PCIF1: variants seen among roughly 807,000 people sequenced by gnomAD.
PCIF1 encodes mRNA (2'-O-methyladenosine-N(6)-)-methyltransferase.
A neutral mutation model predicts 86.9 loss-of-function variants in PCIF1; 12 were observed. The observed-to-expected ratio is 0.14, with a 90% CI of 0.09 to 0.22. The LOEUF (loss-of-function observed/expected upper bound fraction) is 0.22, where lower values mean the gene tolerates loss of function less well. PCIF1 is among the 10% of genes least tolerant of loss of function. The pLI, the probability that PCIF1 is intolerant of heterozygous loss-of-function variation, is 1.00. For synonymous variants in PCIF1, 397 were observed against 372.0 expected (o/e 1.07, Z -0.77); for missense variants, 701 against 951.1 (o/e 0.74, Z 3.46).
intron 1 of PCIF1, 105 bp downstream of exon 1, chr20:45,934,909 C>T (rs1257591459): frequency 1.3e-5 from 5 of 396,884 alleles, no homozygotes; most frequent in Non-Finnish European, 2.2e-5. Context: ...TCGGGACTGC[C>T]GCTTGCCCTG....
rs2083499008 is a variant in PCIF1 at position 45,943,955 on chromosome 20, T to C, written c.1005+190T>C. On this transcript the variant is annotated intron_variant, in intron 10 of 16. Transcript: ENST00000372409. This position sits in a 1 kb window ranked among gnomAD's most constrained non-coding sequence, Gnocchi z 5.5. ...GGAGATGTTTCTCTGGGCTCCTGGCTTTCTCCCACAGAACATTTCCATTAA... is the reference window on the plus strand; with the variant it reads ...GGAGATGTTTCTCTGGGCTCCTGGCCTTCTCCCACAGAACATTTCCATTAA... Among the ~76,000 whole-genome samples the C allele has an allele frequency of 6.6e-6, 1 of 152,130 alleles. No individual in the cohort carries two copies.
intron 5 of PCIF1, 83 bp downstream of exon 5, chr20:45,940,695 T>G: frequency 6.4e-7 from 1 of 1,571,480 alleles, no homozygotes. Context: ...GGCTGGGCAT[T>G]GGCAGGCCAG....
At chr20:45,945,953 G>T (rs996926084) in intron 12 of PCIF1, 70 bp downstream of exon 12, 14 of 1,612,970 alleles carry the variant, frequency 8.7e-6, no homozygotes, top group Non-Finnish European at 1.1e-5. Context: ...CCTGAGCAGA[G>T]TCCCCAGCAG....
chr20:45,946,804 G>C (rs1322724570), intron 14 of PCIF1, among the ~76,000 whole-genome samples: 2 of 152,156 alleles, frequency 1.3e-5, no homozygotes, highest in Non-Finnish European at 2.9e-5. Context: ...GGGGATCCTG[G>C]GTGTAGCTTC....
At chr20:45,940,138 CTGTTCT>C (rs2083457332) in intron 4 of PCIF1, among the ~76,000 whole-genome samples, 2 of 152,202 alleles carry the variant, frequency 1.3e-5, no homozygotes, top group South Asian at 4.1e-4. Context: ...CACATTCATT[CTGTTCT>C]TGAGGAAAAT....
In PCIF1 at chr20:45,946,046, C is replaced by T. The variant is rs1600509534; in HGVS notation, c.1359C>T (p.Tyr453=). Residue 453 remains tyrosine (Y), a synonymous_variant, in exon 13 of 17, where the codon TAC becomes TAT. Coordinates refer to ENST00000372409, the MANE Select transcript of PCIF1 (RefSeq NM_022104.4). ...CTCCACAGTGGCTCCTTTACCGCTACAGCTGCATTGATGACTCTGCCTTTG... is the reference window on the plus strand; with the variant it reads ...CTCCACAGTGGCTCCTTTACCGCTATAGCTGCATTGATGACTCTGCCTTTG... The part of the protein sequence containing the change: ...YFSKLWLLYR[Y]SCIDDSAFER... 6.2e-6 allele frequency: 10 copies of T among 1,614,198 alleles called. No individual in the cohort carries two copies. In the East Asian group the frequency reaches 6.7e-5, roughly 11 times the overall value.
intron 1 of PCIF1, among the ~76,000 whole-genome samples, chr20:45,936,209 C>T (rs1196953994): frequency 1.3e-5 from 2 of 152,064 alleles, no homozygotes; most frequent in African/African-American, 2.4e-5. Context: ...GAGTCTTGCT[C>T]TGTCGCCTGG....
chr20:45,945,843 G>C lies in PCIF1; in HGVS notation c.1301G>C (p.Gly434Ala), dbSNP rs1181545356. 1 of 1,613,760 alleles carries C rather than the reference G, an allele frequency of 6.2e-7. No individual in the cohort carries two copies. Among genetic ancestry groups the C allele is most frequent in the African/African-American group, 1.3e-5 (1 of 74,944 alleles). ...AACGTGGTCTGCATCCGGTATAAGG[G>C]AGAGATGGTCAAGGTCAGCCGCAAC... The part of the protein sequence containing the change: ...ENNVVCIRYK[G>A]EMVKVSRNYF... The change falls in exon 12 of 17, where the codon GGA becomes GCA. Residue 434 changes from glycine (G) to alanine (A), a missense_variant. Around this residue, in one of 7 missense-constraint regions of PCIF1, gnomAD observed 121 missense variants for 131.7 expected, o/e 0.92. Coordinates refer to ENST00000372409, the MANE Select transcript of PCIF1 (RefSeq NM_022104.4).
chr20:45,940,733 A>G, intron 5 of PCIF1, 76 bp from the exon 6 acceptor site: 1 of 1,578,036 alleles, frequency 6.3e-7, no homozygotes, highest in Non-Finnish European at 8.6e-7. Flanking sequence ...GACACAGTTC[A>G]CCAGGTGTGC....
In PCIF1 at chr20:45,943,457, C is replaced by A; in HGVS notation, c.905+34C>A. ...GTCTTCTGCCCCAGGCGAGATGGGT[C>A]TGTGATTAAAGTGGCAGGTCATAGG... is the stretch of plus-strand genomic sequence containing the variant. On this transcript the variant is annotated intron_variant, in intron 9 of 16. Transcript: ENST00000372409. This position sits in a 1 kb window ranked among gnomAD's most constrained non-coding sequence, Gnocchi z 5.5. 6.3e-7 allele frequency: 1 copy of A among 1,593,394 alleles called. No individual in the cohort carries two copies. The highest frequency in any genetic ancestry group is 1.1e-5 in the South Asian group (1 of 90,498).
chr20:45,947,964 C>T lies in PCIF1; in HGVS notation c.*209C>T. 1 of 1,531,382 alleles carries T rather than the reference C, an allele frequency of 6.5e-7. No homozygotes were observed. The highest frequency in any genetic ancestry group is 1.7e-4 in the Middle Eastern group (1 of 5,960). The allele number at this position is 1,531,382 out of a possible 1,614,324, so 94.9% of individuals were successfully genotyped here. A position where few individuals can be genotyped will look rare whatever the true frequency, so the allele number is the denominator to read the frequency against. Reference sequence around the variant, plus strand: ...GTCCTGATGCCTTCCCAACCCCGCCCCTCACCCTGTTGCCACCTTGTTTCA... The same window carrying T: ...GTCCTGATGCCTTCCCAACCCCGCCTCTCACCCTGTTGCCACCTTGTTTCA... On this transcript the variant is annotated 3_prime_UTR_variant, in exon 17 of 17. Coordinates refer to ENST00000372409, the MANE Select transcript of PCIF1 (RefSeq NM_022104.4). This position sits in a 1 kb window ranked among gnomAD's most constrained non-coding sequence, Gnocchi z 5.4.
intron 1 of PCIF1, among the ~76,000 whole-genome samples, chr20:45,935,219 C>T (rs1467675167): frequency 3.3e-5 from 5 of 151,596 alleles, no homozygotes; most frequent in Non-Finnish European, 5.9e-5. Context: ...CGCTGGAGCT[C>T]GCCTCTCGCC....
At chr20:45,935,389 T>TA (rs747415916) in intron 1 of PCIF1, among the ~76,000 whole-genome samples, 22 of 152,164 alleles carry the variant, frequency 1.4e-4, no homozygotes, top group Non-Finnish European at 2.5e-4. Context: ...GTTGCGCAGA[T>TA]AGAGTTGTTT....
intron 11 of PCIF1, among the ~76,000 whole-genome samples, 187 bp downstream of exon 11, chr20:45,945,217 A>G (rs1283518694): frequency 6.6e-6 from 1 of 152,212 alleles, no homozygotes; most frequent in East Asian, 1.9e-4. Context: ...GGTGGTGAAG[A>G]TAAGCTGGGA....
At position 45,943,124 on chromosome 20, in the gene PCIF1, A is replaced by G; in HGVS notation, c.701A>G (p.Asn234Ser). Residue 234 changes from asparagine to serine, a missense_variant, in exon 8 of 17, where the codon AAC (asparagine) becomes AGC (serine). Asn to Ser is a conservative substitution (Grantham distance 46). Coordinates refer to ENST00000372409, the MANE Select transcript of PCIF1 (RefSeq NM_022104.4). The surrounding 1 kb of genome is among the most constrained non-coding windows in gnomAD (Gnocchi z 5.5). Reference sequence around the variant, plus strand: ...ATTGAGCCTCCACGGGAGTCTTTCAACCGCTGGATGCTGGAGCGCAAGGTG... The same window carrying G: ...ATTGAGCCTCCACGGGAGTCTTTCAGCCGCTGGATGCTGGAGCGCAAGGTG... The part of the protein sequence containing the change: ...EGIEPPRESF[N>S]RWMLERKVVD... The G allele has an allele frequency of 1.2e-6, 2 of 1,613,916 alleles. No individual in the cohort carries two copies. Among genetic ancestry groups the G allele is most frequent in the Non-Finnish European group, 1.7e-6 (2 of 1,180,008 alleles).
At chr20:45,940,366 G>A (rs2083458840) in intron 4 of PCIF1, 109 bp from the exon 5 acceptor site, 1 of 1,346,762 alleles carries the variant, frequency 7.4e-7, no homozygotes, top group Non-Finnish European at 9.8e-7. Flanking sequence ...CAGCTCCTCT[G>A]CTCTTCCCTA....
intron 10 of PCIF1, among the ~76,000 whole-genome samples, 191 bp from the exon 11 acceptor site, chr20:45,944,677 C>T (rs1164747471): frequency 1.3e-5 from 2 of 152,104 alleles, no homozygotes; most frequent in East Asian, 1.9e-4. Flanking sequence ...TTAGGTATCT[C>T]GTGTCCCCTT....
In PCIF1 at chr20:45,934,723, C is replaced by T. The variant is rs899565059; in HGVS notation, c.-269C>T. 1 of 398,946 alleles carries T rather than the reference C, an allele frequency of 2.5e-6. No individual in the cohort carries two copies. The highest frequency in any genetic ancestry group is 4.4e-6 in the Non-Finnish European group (1 of 226,064). The allele number at this position is 398,946 out of a possible 1,614,324, so 24.7% of individuals were successfully genotyped here. A position where few individuals can be genotyped will look rare whatever the true frequency, so the allele number is the denominator to read the frequency against. ...GGGACACAAGATGGCGGCAGCGGCG[C>T]TGGGGAGGGCGAGGCGGAGGCGGCA... On this transcript the variant is annotated 5_prime_UTR_variant, in exon 1 of 17. Transcript: ENST00000372409.
rs980606308 is a variant in PCIF1, at chr20:45,934,778, G to C, written c.-214G>C. 4 of 398,344 alleles carry C rather than the reference G, an allele frequency of 1.0e-5. No homozygotes were observed. Among genetic ancestry groups the C allele is most frequent in the Non-Finnish European group, 1.3e-5 (3 of 225,912 alleles). The allele number at this position is 398,344 out of a possible 1,614,324, so 24.7% of individuals were successfully genotyped here. On this transcript the variant is annotated 5_prime_UTR_variant, in exon 1 of 17. Transcript: ENST00000372409. ...GGGCGGTCGAGCAGAACGTGTAGCCGCGTCCCCTCCAGTCCGCTCCGGGCA... is the reference window on the plus strand; with the variant it reads ...GGGCGGTCGAGCAGAACGTGTAGCCCCGTCCCCTCCAGTCCGCTCCGGGCA...
Sources: allele counts gnomAD v4.1 joint callset (sites outside exome capture counted in the v4.1 genomes callset), GRCh38; gene constraint gnomAD v4.1.1; regional missense constraint gnomAD v4.1.1; non-coding constraint Gnocchi (gnomAD v3.1); transcripts MANE v1.5; gene names NCBI Gene and HGNC (gene_info 2026-07-23, HGNC 2026-07-21).